The following C1QTNF7 variants were observed in gnomAD, a reference collection of about 807,000 sequenced individuals.
C1QTNF7 encodes the protein C1q and TNF related 7.
C1QTNF7 carries 15 observed loss-of-function variants against 19.6 expected under a neutral mutation model. That is an observed-to-expected ratio of 0.76 (90% CI 0.51 to 1.18). The LOEUF (loss-of-function observed/expected upper bound fraction) is 1.18. Among genes scored for constraint, C1QTNF7 ranks in the 50% most tolerant of loss-of-function variants. The pLI is 0.00. For synonymous variants in C1QTNF7, 142 were observed against 137.5 expected (o/e 1.03, Z -0.23); for missense variants, 324 against 359.7 (o/e 0.90, Z 0.80).
chr4:15,390,730 T>C (rs1718524877), intron 1 of C1QTNF7, among the ~76,000 whole-genome samples: 1 of 152,204 alleles, frequency 6.6e-6, no homozygotes, highest in South Asian at 2.1e-4. Flanking sequence ...AGAAAATTTA[T>C]TCCAGACTTC....
intron 2 of C1QTNF7, among the ~76,000 whole-genome samples, chr4:15,439,221 T>C (rs947365980): frequency 6.6e-6 from 1 of 152,198 alleles, no homozygotes; most frequent in Non-Finnish European, 1.5e-5. Context: ...AGAGTAACTA[T>C]ACATTATTAC....
At chr4:15,348,945 C>T (rs967813463) in intron 1 of C1QTNF7, among the ~76,000 whole-genome samples, 1 of 152,176 alleles carries the variant, frequency 6.6e-6, no homozygotes, top group African/African-American at 2.4e-5. Flanking sequence ...ACACTCACTA[C>T]ACAGAAAGCA....
rs1443120342 is a variant in C1QTNF7, at chr4:15,409,174, C to T, written c.14-26562C>T. Among the ~76,000 whole-genome samples, 3 of 152,156 alleles carry T rather than the reference C, an allele frequency of 2.0e-5. No individual in the cohort carries two copies. The East Asian group carries it at 5.8e-4, about 29-fold the overall frequency. ...TGTAAAACCAAGAAAAATTAACTTG[C>T]TTTATCAAACATCTATCTTTTTAAA... On this transcript the variant is annotated intron_variant, in intron 1 of 2. Transcript: ENST00000295297.
intron 1 of C1QTNF7, among the ~76,000 whole-genome samples, chr4:15,365,485 AC>A (rs1257142718): frequency 6.6e-6 from 1 of 152,192 alleles, no homozygotes; most frequent in East Asian, 1.9e-4. Context: ...TTCAACTTAG[AC>A]CCGTCTCTCG....
chr4:15,367,786 C>T (rs988807021), intron 1 of C1QTNF7, among the ~76,000 whole-genome samples: 8 of 150,952 alleles, frequency 5.3e-5, no homozygotes, highest in African/African-American at 2.0e-4. Flanking sequence ...TTTGCTAGCA[C>T]CTAGCAAATG....
chr4:15,396,552 C>T (rs968656824), intron 1 of C1QTNF7, among the ~76,000 whole-genome samples: 5 of 152,036 alleles, frequency 3.3e-5, no homozygotes, highest in African/African-American at 1.2e-4. Context: ...TTTCCAAAAA[C>T]CCTAAGACAA....
chr4:15,396,420 G>C (rs1048026891), intron 1 of C1QTNF7, among the ~76,000 whole-genome samples: 3 of 152,284 alleles, frequency 2.0e-5, no homozygotes, highest in Admixed American at 2.0e-4. Flanking sequence ...AGGCGAAGTA[G>C]TACAATTGTG....
At chr4:15,368,682 T>G (rs1018097446) in intron 1 of C1QTNF7, among the ~76,000 whole-genome samples, 3 of 152,208 alleles carry the variant, frequency 2.0e-5, no homozygotes, top group South Asian at 4.1e-4. Flanking sequence ...TCTTAATCCA[T>G]TCTATAATTG....
At chr4:15,349,999 G>T (rs2109285963) in intron 1 of C1QTNF7, among the ~76,000 whole-genome samples, 1 of 140,842 alleles carries the variant, frequency 7.1e-6, no homozygotes, top group East Asian at 2.3e-4. Flanking sequence ...GTTTATAGGA[G>T]AAAAATATTA....
At chr4:15,355,682 G>A (rs1327768858) in intron 1 of C1QTNF7, among the ~76,000 whole-genome samples, 1 of 152,102 alleles carries the variant, frequency 6.6e-6, no homozygotes, top group Non-Finnish European at 1.5e-5. Context: ...TCAGAAAGAG[G>A]CTGAAGCTTG....
chr4:15,343,854 G>A (rs918210532), intron 1 of C1QTNF7, among the ~76,000 whole-genome samples: 6 of 152,110 alleles, frequency 3.9e-5, no homozygotes, highest in African/African-American at 9.7e-5. Flanking sequence ...TCACAAGGTG[G>A]GTGTAGACTT....
At chr4:15,353,192 T>C (rs1716994022) in intron 1 of C1QTNF7, among the ~76,000 whole-genome samples, 1 of 152,170 alleles carries the variant, frequency 6.6e-6, no homozygotes, top group Admixed American at 6.5e-5. Flanking sequence ...AAATTGCTGG[T>C]GCAATCCCCA....
intron 1 of C1QTNF7, among the ~76,000 whole-genome samples, chr4:15,401,227 G>A (rs1245053640): frequency 6.6e-6 from 1 of 152,116 alleles, no homozygotes; most frequent in Non-Finnish European, 1.5e-5. Flanking sequence ...TCTCTGATGA[G>A]GAGACCATGT....
chr4:15,371,833 G>C (rs1717740919), intron 1 of C1QTNF7, among the ~76,000 whole-genome samples: 1 of 152,162 alleles, frequency 6.6e-6, no homozygotes, highest in Non-Finnish European at 1.5e-5. Context: ...GTCAATCTAA[G>C]CTCAGTGGGC....
intron 1 of C1QTNF7, among the ~76,000 whole-genome samples, chr4:15,433,614 A>G (rs1253129379): frequency 6.6e-6 from 1 of 152,238 alleles, no homozygotes; most frequent in East Asian, 1.9e-4. Flanking sequence ...CCTGTCAAAT[A>G]GCAACAATTC....
At chr4:15,385,696 C>T (rs995876488) in intron 1 of C1QTNF7, among the ~76,000 whole-genome samples, 3 of 152,166 alleles carry the variant, frequency 2.0e-5, no homozygotes, top group South Asian at 2.1e-4. Flanking sequence ...AAGTCCACTC[C>T]GATTGCTATT....
intron 2 of C1QTNF7, among the ~76,000 whole-genome samples, chr4:15,440,406 CTTTT>C (rs58931762): frequency 1.6e-4 from 22 of 136,614 alleles, no homozygotes; most frequent in Admixed American, 3.6e-4. Context: ...ACAGAAGCAA[CTTTT>C]TTTTTTTTTT....
At chr4:15,438,382 A>T (rs907136408) in intron 2 of C1QTNF7, among the ~76,000 whole-genome samples, 5 of 152,210 alleles carry the variant, frequency 3.3e-5, no homozygotes, top group African/African-American at 1.2e-4. Context: ...GTAACTGGGC[A>T]CAACCTGGCT....
chr4:15,400,074 T>C (rs1046582828), intron 1 of C1QTNF7, among the ~76,000 whole-genome samples: 2 of 152,240 alleles, frequency 1.3e-5, no homozygotes, highest in African/African-American at 2.4e-5. Flanking sequence ...AATGTGATTG[T>C]AACACACAAG....
Sources: allele counts gnomAD v4.1 joint callset (sites outside exome capture counted in the v4.1 genomes callset), GRCh38; gene constraint gnomAD v4.1.1; transcripts MANE v1.5; gene names NCBI Gene and HGNC (gene_info 2026-07-23, HGNC 2026-07-21).